Variants in RGS7 observed in about 807,000 individuals in gnomAD.
RGS7 encodes regulator of G protein signaling 7, also known as regulator of G-protein signaling 7.
A neutral mutation model predicts 81.1 loss-of-function variants in RGS7; 27 were observed. The ratio of observed to expected loss-of-function variants is 0.33; its 90% CI spans 0.25 to 0.46. RGS7 has a LOEUF of 0.46. RGS7 is among the 20% of genes least tolerant of loss of function. The pLI is 1.00. For synonymous variants in RGS7, 208 were observed against 207.7 expected, an observed-to-expected ratio of 1.00 and a Z score of -0.01; for missense variants, 396 against 607.4, an observed-to-expected ratio of 0.65 and a Z score of 3.66.
At chr1:241,232,087 AC>A (rs2075693719) in intron 2 of RGS7, among the ~76,000 whole-genome samples, 1 of 152,142 alleles carries the variant, frequency 6.6e-6, no homozygotes, top group South Asian at 2.1e-4. Context: ...AACAATGCTT[AC>A]CCCCTTTGAA....
intron 4 of RGS7, among the ~76,000 whole-genome samples, chr1:240,960,890 T>C (rs916446183): frequency 1.3e-5 from 2 of 152,194 alleles, no homozygotes; most frequent in Non-Finnish European, 2.9e-5. Flanking sequence ...TAATGAACTT[T>C]AGTCTGATTA....
At chr1:241,147,149 C>G (rs993803973) in intron 2 of RGS7, among the ~76,000 whole-genome samples, 1 of 152,096 alleles carries the variant, frequency 6.6e-6, no homozygotes, top group Non-Finnish European at 1.5e-5. Context: ...CACACACACA[C>G]GACTCCATTT....
At chr1:241,249,198 TA>T (rs1447135582) in intron 2 of RGS7, among the ~76,000 whole-genome samples, 9 of 152,150 alleles carry the variant, frequency 5.9e-5, no homozygotes, top group Non-Finnish European at 1.2e-4. Flanking sequence ...TTGTGAAACC[TA>T]AGGACTCTAA....
intron 6 of RGS7, among the ~76,000 whole-genome samples, chr1:240,884,555 A>G (rs1004480430): frequency 1.8e-4 from 27 of 152,374 alleles, no homozygotes; most frequent in African/African-American, 6.3e-4. Flanking sequence ...GTACAAAAAC[A>G]GGCACATAGA....
intron 2 of RGS7, among the ~76,000 whole-genome samples, chr1:241,147,101 T>G (rs948619839): frequency 6.6e-6 from 1 of 152,158 alleles, no homozygotes; most frequent in Non-Finnish European, 1.5e-5. Context: ...CCTGGTGTTT[T>G]TAATAATCAC....
chr1:241,105,173 T>C (rs2065021885), intron 2 of RGS7, among the ~76,000 whole-genome samples: 1 of 152,198 alleles, frequency 6.6e-6, no homozygotes, highest in Non-Finnish European at 1.5e-5. Flanking sequence ...TTTCTTCCTT[T>C]ATGCTCTATC....
At chr1:241,119,176 A>G (rs2066073885) in intron 2 of RGS7, among the ~76,000 whole-genome samples, 1 of 152,232 alleles carries the variant, frequency 6.6e-6, no homozygotes, top group South Asian at 2.1e-4. Context: ...GGTAACATGA[A>G]TATCTATCAC....
chr1:240,804,571 G>C (rs1172845092), intron 15 of RGS7, among the ~76,000 whole-genome samples: 1 of 151,992 alleles, frequency 6.6e-6, no homozygotes, highest in Non-Finnish European at 1.5e-5. Context: ...GATCCTCTTA[G>C]GCAAGAATAT....
rs111349381 is a variant in RGS7 at position 240,981,730 on chromosome 1, T to C, written c.226+1349A>G. Among the ~76,000 whole-genome samples, 87 of 152,330 alleles carry C rather than the reference T, an allele frequency of 5.7e-4. 1 individual carries two copies. The highest frequency in any genetic ancestry group is 2.0e-3 in the African/African-American group (85 of 41,578). On this transcript the variant is annotated intron_variant, in intron 4 of 18. Coordinates refer to ENST00000440928, the MANE Select transcript of RGS7 (RefSeq NM_001364886.1). ...CCACTTAATCTTCAACAATGAGTAT[T>C]TTAAAAGCTCATGTAGCAAATGAGC... is the stretch of plus-strand genomic sequence containing the variant.
At chr1:240,870,018 C>A (rs1664197263) in intron 7 of RGS7, 37 bp downstream of exon 7, 1 of 1,562,966 alleles carries the variant, frequency 6.4e-7, no homozygotes, top group African/African-American at 1.4e-5. Context: ...GCTGTGCATT[C>A]TATGACTATC....
chr1:240,906,554 C>T (rs1415804842), intron 6 of RGS7, among the ~76,000 whole-genome samples: 1 of 152,226 alleles, frequency 6.6e-6, no homozygotes, highest in African/African-American at 2.4e-5. Flanking sequence ...TCTTTGCAAG[C>T]CTTACCATTT....
intron 4 of RGS7, among the ~76,000 whole-genome samples, chr1:240,953,452 C>G (rs1679878237): frequency 6.6e-6 from 1 of 151,738 alleles, no homozygotes; most frequent in Non-Finnish European, 1.5e-5. Flanking sequence ...GGAAAGTCTC[C>G]AACTATTTGG....
chr1:241,267,626 C>G (rs555355588), intron 2 of RGS7, among the ~76,000 whole-genome samples: 10 of 152,318 alleles, frequency 6.6e-5, no homozygotes, highest in African/African-American at 2.2e-4. Flanking sequence ...TGATCACATG[C>G]TAGAGCCCCC....
intron 3 of RGS7, among the ~76,000 whole-genome samples, chr1:241,023,181 C>T (rs785528): frequency 6.6e-6 from 1 of 151,696 alleles, no homozygotes; most frequent in African/African-American, 2.4e-5. Flanking sequence ...TGGGTAAAAT[C>T]GTGTAAAATG....
intron 4 of RGS7, among the ~76,000 whole-genome samples, chr1:240,967,842 A>G (rs1211354104): frequency 2.0e-5 from 3 of 151,990 alleles, no homozygotes; most frequent in African/African-American, 7.3e-5. Context: ...TATTTTTTTC[A>G]TGTTTCCCAA....
chr1:240,951,671 A>C (rs969965599), intron 4 of RGS7, among the ~76,000 whole-genome samples: 12 of 152,274 alleles, frequency 7.9e-5, no homozygotes, highest in African/African-American at 2.2e-4. Context: ...ACAATATCTA[A>C]AAGTGTAGCA....
chr1:241,035,639 C>A (rs2060286489), intron 3 of RGS7, among the ~76,000 whole-genome samples: 1 of 152,064 alleles, frequency 6.6e-6, no homozygotes, highest in Non-Finnish European at 1.5e-5. Context: ...CCATTACCAC[C>A]CCAACACTGC....
chr1:240,827,189 A>C lies in RGS7; in HGVS notation c.610-17T>G. On this transcript the variant is annotated splice_polypyrimidine_tract_variant and intron_variant, in intron 9 of 18. Coordinates refer to ENST00000440928, the MANE Select transcript of RGS7 (RefSeq NM_001364886.1). ...ACATCCAGGCTGGGAATGGAAAAAC[A>C]GAGAGACAAATGAATCTTTGGGTGT... 1.3e-6 allele frequency: 2 copies of C among 1,592,368 alleles called. No individual in the cohort carries two copies. The highest frequency in any genetic ancestry group is 1.7e-6 in the Non-Finnish European group (2 of 1,160,196).
At chr1:240,940,662 AG>A (rs1677439637) in intron 4 of RGS7, among the ~76,000 whole-genome samples, 1 of 152,234 alleles carries the variant, frequency 6.6e-6, no homozygotes, top group African/African-American at 2.4e-5. Flanking sequence ...AGACAGTAAG[AG>A]GAGCTTCTGA....
Sources: gnomAD v4.1 joint callset for allele counts (sites outside exome capture counted in the v4.1 genomes callset) on GRCh38, gnomAD v4.1.1 for gene constraint, MANE v1.5 for transcripts, NCBI Gene and HGNC (gene_info 2026-07-23, HGNC 2026-07-21) for gene names.